Variants in CEP350 observed in about 807,000 individuals in gnomAD.
CEP350 encodes centrosomal protein 350, also known as centrosome-associated protein 350.
In CEP350, 126 loss-of-function variants were observed where a neutral mutation model predicts 331.8. That is an observed-to-expected ratio of 0.38 (90% CI 0.33 to 0.44). The LOEUF is 0.44. Ranked by LOEUF, CEP350 falls within the 20% of genes least tolerant of loss-of-function variation. The pLI is 1.00. For missense variants in CEP350, 3,406 were observed against 3,634.6 expected, an observed-to-expected ratio of 0.94 and a Z score of 1.62; for synonymous variants, 1,200 against 1,259.5, an observed-to-expected ratio of 0.95 and a Z score of 1.00.
intron 1 of CEP350, among the ~76,000 whole-genome samples, chr1:179,962,276 A>G (rs1571774772): frequency 1.3e-5 from 2 of 152,244 alleles, no homozygotes; most frequent in South Asian, 4.1e-4. Context: ...TAATTTGCTT[A>G]GGATAATGAC....
Position 180,033,850 on chromosome 1 carries a change from C to A in CEP350, c.3726-12C>A. The A allele has an allele frequency of 6.2e-7, 1 of 1,609,418 alleles. No homozygotes were observed. Among genetic ancestry groups the A allele is most frequent in the South Asian group, 1.1e-5 (1 of 90,788 alleles). On this transcript the variant is annotated splice_polypyrimidine_tract_variant and intron_variant, in intron 15 of 37. Coordinates refer to ENST00000367607, the MANE Select transcript of CEP350 (RefSeq NM_014810.5). ...TCCTTCCTCTAATGTTTTTGTGGAT[C>A]AAAACTTCTAGTGTCTCATCAGATA...
chr1:180,047,064 A>G (rs766992516), intron 21 of CEP350, among the ~76,000 whole-genome samples: 36 of 152,270 alleles, frequency 2.4e-4, no homozygotes, highest in Non-Finnish European at 5.0e-4. Context: ...ACACAGGGAC[A>G]GAAGTGACCA....
chr1:180,089,075 T>G (rs1034564418), intron 32 of CEP350, among the ~76,000 whole-genome samples: 1 of 152,200 alleles, frequency 6.6e-6, no homozygotes, highest in Non-Finnish European at 1.5e-5. Context: ...TGCTATTGAA[T>G]GGGTTTGTAA....
chr1:180,104,135 A>C (rs991450110), intron 37 of CEP350, among the ~76,000 whole-genome samples: 1 of 150,128 alleles, frequency 6.7e-6, no homozygotes, highest in Non-Finnish European at 1.5e-5. Flanking sequence ...CTACATATTT[A>C]TATGAGGACT....
intron 37 of CEP350, among the ~76,000 whole-genome samples, chr1:180,106,221 G>GC (rs1184347251): frequency 1.3e-5 from 2 of 152,156 alleles, no homozygotes; most frequent in Non-Finnish European, 2.9e-5. Context: ...GGACCACCTA[G>GC]CTAATGATTG....
intron 26 of CEP350, among the ~76,000 whole-genome samples, chr1:180,063,786 C>T (rs34808192): frequency 6.7e-6 from 1 of 148,456 alleles, no homozygotes; most frequent in Non-Finnish European, 1.5e-5. Context: ...GCACTCCAGC[C>T]TAGGTGATAA....
At chr1:179,998,303 C>CTTTTTTTTTTT (rs763257368) in intron 6 of CEP350, among the ~76,000 whole-genome samples, 1 of 112,076 alleles carries the variant, frequency 8.9e-6, no homozygotes, top group Non-Finnish European at 1.9e-5. Context: ...CTTCTATTTT[C>CTTTTTTTTTTT]TTTTTTTTTT....
intron 6 of CEP350, among the ~76,000 whole-genome samples, chr1:179,998,306 T>TC (rs1386636826): frequency 1.0e-3 from 142 of 139,488 alleles, no homozygotes; most frequent in African/African-American, 3.6e-3. Flanking sequence ...CTATTTTCTT[T>TC]TTTTTTTTTT....
rs57487170 is a variant in CEP350 at position 180,071,146 on chromosome 1, C to CAA, written c.5568-3856_5568-3855dup. Among the ~76,000 whole-genome samples, 301 of 63,176 alleles carry CAA rather than the reference C, an allele frequency of 4.8e-3. 4 individuals carry two copies. Among genetic ancestry groups the CAA allele is most frequent in the African/African-American group, 0.015 (254 of 16,850 alleles). The allele number at this position is 63,176 out of a possible 152,430, so 41.4% of individuals were successfully genotyped here. A position where few individuals can be genotyped will look rare whatever the true frequency, so the allele number is the denominator to read the frequency against. On this transcript the variant is annotated intron_variant, in intron 27 of 37. Transcript: ENST00000367607. ...CTGGCGACAGAGCACGACTCCATCT[C>CAA]AAAAAAAAAAAAAAAAAAAAAGTGA...
chr1:179,996,659 A>T lies in CEP350; in HGVS notation c.502A>T (p.Ile168Leu). 1 of 1,613,474 alleles carries T rather than the reference A, an allele frequency of 6.2e-7. No individual in the cohort carries two copies. The change falls in exon 6 of 38, where the codon ATA (isoleucine) becomes TTA (leucine). Residue 168 changes from isoleucine to leucine, a missense_variant. Physicochemically the swap from Ile to Leu is conservative, Grantham distance 5. This residue lies in a region of CEP350 where 1,857 missense variants were observed against 1,909.2 expected (regional missense o/e 0.97). Coordinates refer to ENST00000367607, the MANE Select transcript of CEP350 (RefSeq NM_014810.5). ...EEKTESGNWM[I>L]GSREERNIRS... ...AAAGACTGAGAGCGGTAACTGGATGATAGGCAGTCGAGAAGAACGGAATAT... is the reference window on the plus strand; with the variant it reads ...AAAGACTGAGAGCGGTAACTGGATGTTAGGCAGTCGAGAAGAACGGAATAT...
At position 180,020,662 on chromosome 1, in the gene CEP350, T is replaced by C. The variant is rs762953684; in HGVS notation, c.2888T>C (p.Met963Thr). ...KRQTDSSSSD[M>T]QACSQDKAKI... is the part of the protein sequence containing the mutation. ...CAGACTGACTCTTCTAGCTCTGATA[T>C]GCAAGCCTGTTCTCAAGACAAAGCC... is the stretch of plus-strand genomic sequence containing the variant. Residue 963 changes from methionine (M) to threonine (T), a missense_variant, in exon 12 of 38, where the codon ATG becomes ACG. Met to Thr is a moderately conservative substitution (Grantham distance 81, BLOSUM62 -1). This residue lies in a region of CEP350 where 1,857 missense variants were observed against 1,909.2 expected (regional missense o/e 0.97). Coordinates refer to ENST00000367607, the MANE Select transcript of CEP350 (RefSeq NM_014810.5). The C allele has an allele frequency of 5.6e-6, 9 of 1,613,936 alleles. No homozygotes were observed. The highest frequency in any genetic ancestry group is 3.3e-5 in the Admixed American group (2 of 60,004).
intron 8 of CEP350, among the ~76,000 whole-genome samples, chr1:180,009,682 C>G (rs1654500478): frequency 6.6e-6 from 1 of 152,070 alleles, no homozygotes; most frequent in African/African-American, 2.4e-5. Flanking sequence ...GAAAATCAGG[C>G]TGAAATTGAA....
Position 180,014,327 on chromosome 1 carries a change from AAAAC to A in CEP350, c.1879_1882del (p.Lys627AspfsTer16). ...GCTCAAAAGGAGGCTACAGAACAGA[AAAAC>A]AAACGATTACAAGAGCTCTACCGGA... On this transcript the variant is annotated frameshift_variant, in exon 10 of 38. Coordinates refer to ENST00000367607, the MANE Select transcript of CEP350 (RefSeq NM_014810.5). LOFTEE classifies it high-confidence loss of function. 2 of 1,590,974 alleles carry A rather than the reference AAAAC, an allele frequency of 1.3e-6. No individual in the cohort carries two copies. Among genetic ancestry groups the A allele is most frequent in the Non-Finnish European group, 1.7e-6 (2 of 1,168,266 alleles).
chr1:180,089,240 T>G (rs1660030772), intron 32 of CEP350, among the ~76,000 whole-genome samples: 1 of 151,904 alleles, frequency 6.6e-6, no homozygotes, highest in Admixed American at 6.6e-5. Flanking sequence ...AAGTAAGCAG[T>G]AGTAAGAAGA....
intron 15 of CEP350, among the ~76,000 whole-genome samples, chr1:180,033,145 A>C (rs1656127692): frequency 6.6e-6 from 1 of 152,160 alleles, no homozygotes; most frequent in Non-Finnish European, 1.5e-5. Flanking sequence ...TCAGTAAATA[A>C]ATATTCAGTG....
intron 6 of CEP350, chr1:180,000,555 AT>A (rs761942360): frequency 6.4e-6 from 1 of 156,356 alleles, no homozygotes. Flanking sequence ...GTTTGGTCTC[AT>A]TTTTCATTGC....
chr1:180,087,960 T>G (rs527404884), intron 32 of CEP350, among the ~76,000 whole-genome samples: 5 of 152,268 alleles, frequency 3.3e-5, no homozygotes, highest in African/African-American at 2.4e-5. Flanking sequence ...AATGGTAGTT[T>G]CCAACATTGC....
intron 31 of CEP350, among the ~76,000 whole-genome samples, chr1:180,086,372 A>G (rs1659859927): frequency 6.6e-6 from 1 of 152,182 alleles, no homozygotes; most frequent in South Asian, 2.1e-4. Flanking sequence ...GTACTATTAG[A>G]ATGAATAGTA....
Position 180,093,792 on chromosome 1 carries a change from AT to A in CEP350, c.7688del (p.Ile2563AsnfsTer12). The A allele has an allele frequency of 6.2e-7, 1 of 1,614,004 alleles. No individual in the cohort carries two copies. Among genetic ancestry groups the A allele is most frequent in the Non-Finnish European group, 8.5e-7 (1 of 1,179,870 alleles). Reference sequence around the variant, plus strand: ...TGGTATTTTTGCTCCTCCTCAAAAAATATCTCACATTCCAGAAAACTTTGAT... The same window carrying A: ...TGGTATTTTTGCTCCTCCTCAAAAAAATCTCACATTCCAGAAAACTTTGAT... ...KHGIFAPPQK[I>X]SHIPENFDDY... On this transcript the variant is annotated frameshift_variant, in exon 34 of 38. Transcript: ENST00000367607. LOFTEE classifies it high-confidence loss of function.
Sources: gnomAD v4.1 joint callset for allele counts (sites outside exome capture counted in the v4.1 genomes callset) on GRCh38, gnomAD v4.1.1 for gene constraint, gnomAD v4.1.1 regional missense constraint, MANE v1.5 for transcripts, NCBI Gene and HGNC (gene_info 2026-07-23, HGNC 2026-07-21) for gene names.